MLYCD: variants seen among roughly 807,000 people sequenced by gnomAD.
The protein encoded by MLYCD is malonyl-CoA decarboxylase, also known as malonyl-CoA decarboxylase, mitochondrial.
Under a neutral mutation model 35.8 loss-of-function variants are expected in MLYCD, and 27 were observed. The observed-to-expected ratio is 0.75, with a 90% CI of 0.56 to 1.04. The LOEUF (loss-of-function observed/expected upper bound fraction) is 1.04. Ranked by LOEUF, MLYCD falls within the 50% of genes least tolerant of loss-of-function variation. The pLI is 0.00. For missense variants in MLYCD, 917 were observed against 665.1 expected (o/e 1.38, Z -4.17); for synonymous variants, 403 against 302.4 (o/e 1.33, Z -3.45).
chr16:83,899,220 C>A lies in MLYCD; in HGVS notation c.76C>A (p.Arg26=), dbSNP rs866575585. ...LRLPPRPPGP[R]LASGQAAGAL... ...GTTGCCCCCGCGGCCGCCCGGGCCC[C>A]GGCTGGCGAGCGGGCAGGCGGCCGG... The change falls in exon 1 of 5, where the codon CGG becomes AGG. Residue 26 remains arginine (R), a synonymous_variant. Coordinates refer to ENST00000262430, the MANE Select transcript of MLYCD (RefSeq NM_012213.3). The A allele has an allele frequency of 6.5e-6, 8 of 1,223,990 alleles. No individual in the cohort carries two copies. The highest frequency in any genetic ancestry group is 3.3e-4 in the Middle Eastern group (1 of 3,064). 75.8% of individuals were successfully genotyped at this position (1,223,990 alleles called of 1,614,324 possible).
chr16:83,926,233 G>C lies in MLYCD; in HGVS notation c.*10744G>C, dbSNP rs962353992. 3 of 152,394 alleles carry C rather than the reference G, an allele frequency of 2.0e-5. No homozygotes were observed. The highest frequency in any genetic ancestry group is 6.5e-5 in the Admixed American group (1 of 15,286). The allele number at this position is 152,394 out of a possible 1,614,324, so 9.4% of individuals were successfully genotyped here. A position where few individuals can be genotyped will look rare whatever the true frequency, so the allele number is the denominator to read the frequency against. On this transcript the variant is annotated 3_prime_UTR_variant, in exon 5 of 5. Coordinates refer to ENST00000262430, the MANE Select transcript of MLYCD (RefSeq NM_012213.3). ...ACAGGCCCTCCCTCCCAGAGCCCAC[G>C]AGATCTCACTTTCTCCAAGCCCAGC...
At position 83,924,821 on chromosome 16, in the gene MLYCD, C is replaced by T. The variant is rs1180579030; in HGVS notation, c.*9332C>T. 2 of 152,258 alleles carry T rather than the reference C, an allele frequency of 1.3e-5. No homozygotes were observed. The highest frequency in any genetic ancestry group is 4.8e-5 in the African/African-American group (2 of 41,452). 9.4% of individuals were successfully genotyped at this position (152,258 alleles called of 1,614,324 possible). Reference sequence around the variant, plus strand: ...TAGGGGGTACATCCAGCCAGGTTCCCCCTCAGCAATGGCCAGGGGCCACCG... The same window carrying T: ...TAGGGGGTACATCCAGCCAGGTTCCTCCTCAGCAATGGCCAGGGGCCACCG... On this transcript the variant is annotated 3_prime_UTR_variant, in exon 5 of 5. Coordinates refer to ENST00000262430, the MANE Select transcript of MLYCD (RefSeq NM_012213.3).
In MLYCD at chr16:83,915,953, A is replaced by G; in HGVS notation, c.*464A>G. On this transcript the variant is annotated 3_prime_UTR_variant, in exon 5 of 5. Transcript: ENST00000262430. ...TTGCTTTAGCCGTTTCTCACCATGC[A>G]ATGCAGAGGGACAAAGGGCTGTGCT... 1 of 1,059,296 alleles carries G rather than the reference A, an allele frequency of 9.4e-7. No homozygotes were observed. The highest frequency in any genetic ancestry group is 3.3e-5 in the South Asian group (1 of 30,460). The allele number at this position is 1,059,296 out of a possible 1,614,324, so 65.6% of individuals were successfully genotyped here.
chr16:83,899,224 TGGCGAGCGGGCAGGCGGCC>T lies in MLYCD; in HGVS notation c.85_103del (p.Ser29ProfsTer38). On this transcript the variant is annotated frameshift_variant, in exon 1 of 5. Coordinates refer to ENST00000262430, the MANE Select transcript of MLYCD (RefSeq NM_012213.3). LOFTEE classifies it high-confidence loss of function. ...CCCCCGCGGCCGCCCGGGCCCCGGC[TGGCGAGCGGGCAGGCGGCC>T]GGCGCCCTGGAGCGGGCCATGGACG... 8.1e-7 allele frequency: 1 copy of T among 1,231,946 alleles called. No homozygotes were observed. The allele number at this position is 1,231,946 out of a possible 1,614,324, so 76.3% of individuals were successfully genotyped here.
At chr16:83,911,284 CA>C (rs1216008209) in intron 3 of MLYCD, among the ~76,000 whole-genome samples, 1 of 152,204 alleles carries the variant, frequency 6.6e-6, no homozygotes, top group Admixed American at 6.5e-5. Flanking sequence ...GGCCTCCATA[CA>C]ATTTCAGAAC....
intron 1 of MLYCD, 74 bp downstream of exon 1, chr16:83,899,746 C>T: frequency 7.1e-7 from 1 of 1,417,660 alleles, no homozygotes; most frequent in Non-Finnish European, 9.2e-7. Context: ...TTGCCCCCTC[C>T]AAGTCCCACA....
At chr16:83,907,956 C>A (rs1051821632) in intron 2 of MLYCD, among the ~76,000 whole-genome samples, 170 bp from the exon 3 acceptor site, 2 of 152,226 alleles carry the variant, frequency 1.3e-5, no homozygotes, top group Non-Finnish European at 2.9e-5. Flanking sequence ...TAGTTCCTCT[C>A]AGTGGGTGCT....
At position 83,915,768 on chromosome 16, in the gene MLYCD, C is replaced by T; in HGVS notation, c.*279C>T. 2.3e-6 allele frequency: 3 copies of T among 1,321,838 alleles called. No homozygotes were observed. Among genetic ancestry groups the T allele is most frequent in the Non-Finnish European group, 1.9e-6 (2 of 1,028,204 alleles). 81.9% of individuals were successfully genotyped at this position (1,321,838 alleles called of 1,614,324 possible). On this transcript the variant is annotated 3_prime_UTR_variant, in exon 5 of 5. Transcript: ENST00000262430. ...CTGTCGTTGCCCTTGGCCTGGCTCC[C>T]TGCCCGGGGCTGGTGCTGTGGTACC...
chr16:83,906,576 G>A (rs1291543001), intron 1 of MLYCD, among the ~76,000 whole-genome samples: 1 of 152,178 alleles, frequency 6.6e-6, no homozygotes, highest in South Asian at 2.1e-4. Context: ...GAAGGTTCCC[G>A]AGAGGATGAG....
At chr16:83,914,930 C>A in intron 4 of MLYCD, 26 bp from the exon 5 acceptor site, 1 of 1,614,176 alleles carries the variant, frequency 6.2e-7, no homozygotes, top group Non-Finnish European at 8.5e-7. Context: ...CTCCGCCTTC[C>A]TTTCCACCCC....
intron 1 of MLYCD, among the ~76,000 whole-genome samples, chr16:83,900,005 C>G (rs1335170900): frequency 2.0e-5 from 3 of 152,206 alleles, no homozygotes; most frequent in African/African-American, 7.2e-5. Flanking sequence ...ATTATTGTAG[C>G]TGAGAAGTGT....
intron 3 of MLYCD, among the ~76,000 whole-genome samples, chr16:83,910,878 G>T (rs1907152634): frequency 6.6e-6 from 1 of 152,148 alleles, no homozygotes; most frequent in South Asian, 2.1e-4. Flanking sequence ...TCACTTTGTT[G>T]GAGTCACAGA....
In MLYCD at chr16:83,915,510, A is replaced by G. The variant is rs2151060286; in HGVS notation, c.*21A>G. On this transcript the variant is annotated 3_prime_UTR_variant, in exon 5 of 5. Transcript: ENST00000262430. Reference sequence around the variant, plus strand: ...TCTGACAGTAAACCTCTCCTAAAGCACAGGGCCCCGGCTAAGAAAACGATC... The same window carrying G: ...TCTGACAGTAAACCTCTCCTAAAGCGCAGGGCCCCGGCTAAGAAAACGATC... 1 of 1,606,680 alleles carries G rather than the reference A, an allele frequency of 6.2e-7. No homozygotes were observed.
At chr16:83,908,698 T>A (rs761568594) in intron 3 of MLYCD, among the ~76,000 whole-genome samples, 10 of 152,228 alleles carry the variant, frequency 6.6e-5, no homozygotes, top group Middle Eastern at 3.2e-3. Context: ...CTCCATCCCT[T>A]ATGCTTGATG....
chr16:83,916,100 G>C lies in MLYCD; in HGVS notation c.*611G>C. On this transcript the variant is annotated 3_prime_UTR_variant, in exon 5 of 5. Transcript: ENST00000262430. ...ATGTTGCTGCTTGAGGCATAAGTTG[G>C]ATAATAGGCTTTAAATGATCAGGGA... The C allele has an allele frequency of 1.0e-6, 1 of 995,960 alleles. No homozygotes were observed. Among genetic ancestry groups the C allele is most frequent in the Non-Finnish European group, 1.2e-6 (1 of 834,898 alleles). The allele number at this position is 995,960 out of a possible 1,614,324, so 61.7% of individuals were successfully genotyped here.
chr16:83,899,304 T>C lies in MLYCD; in HGVS notation c.160T>C (p.Tyr54His). Residue 54 changes from tyrosine to histidine, a missense_variant, in exon 1 of 5, where the codon TAC becomes CAC. Transcript: ENST00000262430. The part of the protein sequence containing the change: ...LRRAVPPTPA[Y>H]ELREKTPAPA... ...CCGCGCGGTGCCGCCGACGCCGGCCTACGAGCTGCGCGAGAAGACACCGGC... is the reference window on the plus strand; with the variant it reads ...CCGCGCGGTGCCGCCGACGCCGGCCCACGAGCTGCGCGAGAAGACACCGGC... The C allele has an allele frequency of 5.4e-6, 8 of 1,488,476 alleles. No homozygotes were observed. Among genetic ancestry groups the C allele is most frequent in the Non-Finnish European group, 6.2e-6 (7 of 1,125,952 alleles). 92.2% of individuals were successfully genotyped at this position (1,488,476 alleles called of 1,614,324 possible).
At chr16:83,901,768 C>A (rs1390949325) in intron 1 of MLYCD, among the ~76,000 whole-genome samples, 1 of 152,208 alleles carries the variant, frequency 6.6e-6, no homozygotes, top group Non-Finnish European at 1.5e-5. Context: ...CTGGGAAATA[C>A]AGAGGCTGCT....
chr16:83,899,680 G>A lies in MLYCD; in HGVS notation c.528+8G>A, dbSNP rs1239653945. The A allele has an allele frequency of 6.6e-7, 1 of 1,512,888 alleles. No homozygotes were observed. The highest frequency in any genetic ancestry group is 8.8e-7 in the Non-Finnish European group (1 of 1,136,388). 93.7% of individuals were successfully genotyped at this position (1,512,888 alleles called of 1,614,324 possible). A position where few individuals can be genotyped will look rare whatever the true frequency, so the allele number is the denominator to read the frequency against. On this transcript the variant is annotated splice_region_variant and intron_variant, in intron 1 of 4. Transcript: ENST00000262430. ...GAGGGGCCGGACGTCCGGGTAAGGG[G>A]CCGCCGTCGATCCCCCGGCAGCGCG...
chr16:83,925,192 T>G lies in MLYCD; in HGVS notation c.*9703T>G, dbSNP rs1217760967. 6.5e-6 allele frequency: 1 copy of G among 152,764 alleles called. No homozygotes were observed. Among genetic ancestry groups the G allele is most frequent in the Non-Finnish European group, 1.5e-5 (1 of 68,456 alleles). 9.5% of individuals were successfully genotyped at this position (152,764 alleles called of 1,614,324 possible). ...ACACCCCATACCTGTGTGTTTCCCC[T>G]GCATAGCTCAGCAGCAGCTCAGGCT... On this transcript the variant is annotated 3_prime_UTR_variant, in exon 5 of 5. Transcript: ENST00000262430.
Sources: gnomAD v4.1 joint callset for allele counts (sites outside exome capture counted in the v4.1 genomes callset) on GRCh38, gnomAD v4.1.1 for gene constraint, MANE v1.5 for transcripts, NCBI Gene and HGNC (gene_info 2026-07-23, HGNC 2026-07-21) for gene names.